The following ARSB variants were observed in gnomAD, a reference collection of about 807,000 sequenced individuals.
ARSB encodes the protein arylsulfatase B.
Under a neutral mutation model 50.9 loss-of-function variants are expected in ARSB, and 41 were observed. The ratio of observed to expected loss-of-function variants is 0.81; its 90% CI spans 0.63 to 1.04. The LOEUF (loss-of-function observed/expected upper bound fraction) is 1.04, where lower values mean the gene tolerates loss of function less well. ARSB is among the 50% of genes least tolerant of loss of function. The pLI, the probability that ARSB is intolerant of heterozygous loss-of-function variation, is 0.00. For missense variants in ARSB, 672 were observed against 693.3 expected (o/e 0.97, Z 0.35); for synonymous variants, 269 against 284.8 (o/e 0.94, Z 0.56).
intron 4 of ARSB, among the ~76,000 whole-genome samples, chr5:78,933,131 C>G (rs1310964374): frequency 6.6e-6 from 1 of 152,198 alleles, no homozygotes; most frequent in Non-Finnish European, 1.5e-5. Context: ...ACAGAGGTGA[C>G]ACTGCTCATC....
At chr5:78,838,160 T>C (rs912986595) in intron 6 of ARSB, among the ~76,000 whole-genome samples, 1 of 152,026 alleles carries the variant, frequency 6.6e-6, no homozygotes, top group Non-Finnish European at 1.5e-5. Context: ...AACACGAACA[T>C]GTGAGGGATG....
chr5:78,931,882 C>T (rs1750342142), intron 4 of ARSB, among the ~76,000 whole-genome samples: 1 of 151,962 alleles, frequency 6.6e-6, no homozygotes, highest in Admixed American at 6.6e-5. Context: ...CTCACAAGAG[C>T]TGATGGTTTT....
chr5:78,870,920 T>G (rs139952978), intron 5 of ARSB, among the ~76,000 whole-genome samples: 4 of 152,086 alleles, frequency 2.6e-5, no homozygotes, highest in African/African-American at 9.7e-5. Context: ...AAAACCCCAT[T>G]GTCTCAGCCC....
chr5:78,786,129 G>A (rs116681843), intron 6 of ARSB, among the ~76,000 whole-genome samples: 1,651 of 152,154 alleles, frequency 0.011, 27 homozygotes, highest in African/African-American at 0.038. Flanking sequence ...AAGAAACCCT[G>A]CACCATTGGC....
chr5:78,864,282 G>A (rs560665091), intron 5 of ARSB, among the ~76,000 whole-genome samples: 15 of 152,254 alleles, frequency 9.9e-5, no homozygotes, highest in South Asian at 6.2e-4. Flanking sequence ...CATGGCTGGC[G>A]AAGCCTCACA....
intron 4 of ARSB, among the ~76,000 whole-genome samples, chr5:78,912,332 T>G (rs1037266260): frequency 6.6e-6 from 1 of 152,192 alleles, no homozygotes; most frequent in Non-Finnish European, 1.5e-5. Context: ...GATATCAACA[T>G]ATTGCACTGG....
chr5:78,791,151 G>A (rs1240502670), intron 6 of ARSB, among the ~76,000 whole-genome samples: 1 of 152,170 alleles, frequency 6.6e-6, no homozygotes. Context: ...TTTACTTACA[G>A]TAAAACTTAC....
intron 5 of ARSB, among the ~76,000 whole-genome samples, chr5:78,867,548 G>C (rs1274879393): frequency 6.6e-6 from 1 of 152,030 alleles, no homozygotes; most frequent in African/African-American, 2.4e-5. Flanking sequence ...GCACCCCCCA[G>C]CAGGGGCACA....
chr5:78,818,651 G>C (rs1467184307), intron 6 of ARSB, among the ~76,000 whole-genome samples: 1 of 113,564 alleles, frequency 8.8e-6, no homozygotes, highest in African/African-American at 3.4e-5. Flanking sequence ...TCGCTCTGTC[G>C]CCCAGGCTGG....
In ARSB at chr5:78,885,481, G is replaced by A; in HGVS notation, c.1142+103C>T. On this transcript the variant is annotated intron_variant, in intron 5 of 7. Coordinates refer to ENST00000264914, the MANE Select transcript of ARSB (RefSeq NM_000046.5). ...TTTCTTAAAAATCATGTATTTGTAA[G>A]CTGAACTATCATTTTAACACAAAAG... The A allele has an allele frequency of 2.0e-6, 3 of 1,502,590 alleles. No homozygotes were observed. In the South Asian group the frequency reaches 3.7e-5, roughly 19 times the overall value. 93.1% of individuals were successfully genotyped at this position (1,502,590 alleles called of 1,614,324 possible).
At chr5:78,944,035 G>C (rs139076643) in intron 4 of ARSB, among the ~76,000 whole-genome samples, 5,293 of 152,064 alleles carry the variant, frequency 0.035, 285 homozygotes, top group African/African-American at 0.12. Context: ...ATTTGATCTT[G>C]AATCACTGAT....
chr5:78,924,992 C>G (rs975864104), intron 4 of ARSB, among the ~76,000 whole-genome samples: 5 of 152,162 alleles, frequency 3.3e-5, no homozygotes, highest in African/African-American at 9.7e-5. Flanking sequence ...ATATGTTTTT[C>G]AAGGCCTCAA....
chr5:78,872,613 C>T (rs1379873594), intron 5 of ARSB, among the ~76,000 whole-genome samples: 2 of 135,944 alleles, frequency 1.5e-5, no homozygotes, highest in Admixed American at 8.0e-5. Context: ...GGGAATTGAA[C>T]AATGAGATCA....
rs182993631 is a variant in ARSB at position 78,817,999 on chromosome 5, T to C, written c.1213+21357A>G. ...CGTCTCTACTAAAAATACAAAAAAA[T>C]TAGCTGGGCATGGCAGCACGTACCT... is the stretch of plus-strand genomic sequence containing the variant. On this transcript the variant is annotated intron_variant, in intron 6 of 7. Transcript: ENST00000264914. 2.2e-3 allele frequency among the ~76,000 whole-genome samples: 336 copies of C among 152,054 alleles called. 2 individuals carry two copies. The highest frequency in any genetic ancestry group is 7.8e-3 in the African/African-American group (322 of 41,436).
chr5:78,914,204 A>T (rs942824763), intron 4 of ARSB, among the ~76,000 whole-genome samples: 3 of 152,114 alleles, frequency 2.0e-5, no homozygotes, highest in Non-Finnish European at 4.4e-5. Context: ...GCCTCAAGTA[A>T]TCTTCCTGCC....
intron 2 of ARSB, 96 bp from the exon 3 acceptor site, chr5:78,964,702 C>T (rs1003432538): frequency 4.4e-6 from 5 of 1,134,550 alleles, no homozygotes; most frequent in South Asian, 2.6e-5. Context: ...ATTGATTACC[C>T]GTGACGAGGC....
chr5:78,913,416 C>T (rs1052782596), intron 4 of ARSB, among the ~76,000 whole-genome samples: 2 of 152,232 alleles, frequency 1.3e-5, no homozygotes, highest in East Asian at 3.8e-4. Context: ...TGAGCCACCG[C>T]GCCCGGCTTA....
At chr5:78,933,497 T>A (rs1051581582) in intron 4 of ARSB, among the ~76,000 whole-genome samples, 1 of 152,052 alleles carries the variant, frequency 6.6e-6, no homozygotes, top group Non-Finnish European at 1.5e-5. Context: ...CAACAATTAC[T>A]TTTTTTTGTG....
chr5:78,880,961 A>G (rs540468761), intron 5 of ARSB, among the ~76,000 whole-genome samples: 2 of 152,170 alleles, frequency 1.3e-5, no homozygotes, highest in African/African-American at 4.8e-5. Context: ...GCTGAGCACA[A>G]TGGCTCACAC....
Sources: allele counts gnomAD v4.1 joint callset (sites outside exome capture counted in the v4.1 genomes callset), GRCh38; gene constraint gnomAD v4.1.1; transcripts MANE v1.5; gene names NCBI Gene and HGNC (gene_info 2026-07-23, HGNC 2026-07-21).